Variants in CSMD1 observed in about 807,000 individuals in gnomAD.
The protein encoded by CSMD1 is CUB and Sushi multiple domains 1.
A neutral mutation model predicts 417.5 loss-of-function variants in CSMD1; 213 were observed. The ratio of observed to expected loss-of-function variants is 0.51; its 90% CI spans 0.46 to 0.57. The LOEUF is 0.57. Among genes scored for constraint, CSMD1 ranks in the 20% least tolerant of loss-of-function variants. The pLI is 0.00. For missense variants in CSMD1, 6,923 were observed against 4,529.7 expected (o/e 1.53, Z -15.17); for synonymous variants, 2,862 against 1,736.8 (o/e 1.65, Z -16.11).
intron 2 of CSMD1, among the ~76,000 whole-genome samples, chr8:4,595,765 T>G (rs2130747258): frequency 6.6e-6 from 1 of 152,314 alleles, no homozygotes; most frequent in South Asian, 2.1e-4. Context: ...AATGCCATTC[T>G]TATCTCATTT....
In CSMD1 at chr8:4,929,825, T is replaced by G. The variant is rs143532366; in HGVS notation, c.85+64507A>C. ...CACCTCCACAACCACATTCCCTCACTGCCAAAAACATCCCCATTGGCAAAT... is the reference window on the plus strand; with the variant it reads ...CACCTCCACAACCACATTCCCTCACGGCCAAAAACATCCCCATTGGCAAAT... On this transcript the variant is annotated intron_variant, in intron 1 of 69. Transcript: ENST00000635120. 4.5e-4 allele frequency among the ~76,000 whole-genome samples: 69 copies of G among 152,294 alleles called. 1 individual carries two copies. In the East Asian group the frequency reaches 0.013, roughly 28 times the overall value.
At chr8:4,083,755 C>T (rs1228985944) in intron 3 of CSMD1, among the ~76,000 whole-genome samples, 4 of 152,302 alleles carry the variant, frequency 2.6e-5, no homozygotes, top group African/African-American at 9.6e-5. Flanking sequence ...AAAACCTAGG[C>T]ATTACCATTC....
chr8:3,525,505 T>G (rs1016008174), intron 10 of CSMD1, among the ~76,000 whole-genome samples: 2 of 152,186 alleles, frequency 1.3e-5, no homozygotes, highest in African/African-American at 4.8e-5. Context: ...AGAAACGCAG[T>G]ACCCTGACAC....
intron 14 of CSMD1, among the ~76,000 whole-genome samples, chr8:3,406,642 G>A (rs778879838): frequency 6.6e-6 from 1 of 152,036 alleles, no homozygotes; most frequent in Non-Finnish European, 1.5e-5. Flanking sequence ...TTTATTTACA[G>A]AATGAGAGAC....
In CSMD1 at chr8:3,053,644, A is replaced by G. The variant is rs1812021402; in HGVS notation, c.7475-997T>C. ...TGCAGATGAGGTTTTATAAAAAACA[A>G]GATTTGGGGAGAATTCTGTGTAAAC... is the stretch of plus-strand genomic sequence containing the variant. On this transcript the variant is annotated intron_variant, in intron 49 of 69. Coordinates refer to ENST00000635120, the MANE Select transcript of CSMD1 (RefSeq NM_033225.6). Among the ~76,000 whole-genome samples, 3 of 152,206 alleles carry G rather than the reference A, an allele frequency of 2.0e-5. No individual in the cohort carries two copies. In the South Asian group the frequency reaches 6.2e-4, roughly 31 times the overall value.
At chr8:3,828,489 T>G (rs928872705) in intron 5 of CSMD1, among the ~76,000 whole-genome samples, 1 of 152,198 alleles carries the variant, frequency 6.6e-6, no homozygotes, top group Non-Finnish European at 1.5e-5. Flanking sequence ...CACTTGATCT[T>G]TATCAGTGTT....
intron 3 of CSMD1, among the ~76,000 whole-genome samples, chr8:4,087,964 A>T (rs946862525): frequency 6.6e-6 from 1 of 152,148 alleles, no homozygotes; most frequent in Non-Finnish European, 1.5e-5. Context: ...GGTGGTATCC[A>T]AGAGAAAAGC....
At chr8:4,297,545 C>A (rs1477071423) in intron 3 of CSMD1, among the ~76,000 whole-genome samples, 1 of 152,144 alleles carries the variant, frequency 6.6e-6, no homozygotes, top group Admixed American at 6.6e-5. Flanking sequence ...CACATATGAT[C>A]AATTTATAAT....
At chr8:3,716,621 T>G (rs572932436) in intron 6 of CSMD1, among the ~76,000 whole-genome samples, 80 of 152,214 alleles carry the variant, frequency 5.3e-4, no homozygotes, top group Middle Eastern at 3.4e-3. Context: ...AGGAAGGACT[T>G]TATGGCCTGT....
At chr8:3,017,838 A>T (rs1808980832) in intron 52 of CSMD1, among the ~76,000 whole-genome samples, 2 of 133,596 alleles carry the variant, frequency 1.5e-5, no homozygotes, top group Admixed American at 1.4e-4. Context: ...AAAAAAAAGG[A>T]AGAACGCGTG....
intron 4 of CSMD1, among the ~76,000 whole-genome samples, chr8:4,003,443 T>A (rs1815861895): frequency 6.6e-6 from 1 of 151,300 alleles, no homozygotes; most frequent in South Asian, 2.1e-4. Flanking sequence ...AATAAATAGA[T>A]AAGTAAATAA....
intron 3 of CSMD1, among the ~76,000 whole-genome samples, chr8:4,315,248 C>G (rs1798855150): frequency 6.6e-6 from 1 of 152,082 alleles, no homozygotes; most frequent in Non-Finnish European, 1.5e-5. Flanking sequence ...GGCTTGAAGA[C>G]CAGAGTGAGG....
intron 1 of CSMD1, among the ~76,000 whole-genome samples, chr8:4,786,559 G>C (rs891841197): frequency 1.3e-5 from 2 of 152,148 alleles, no homozygotes; most frequent in South Asian, 2.1e-4. Flanking sequence ...CTTATATTTA[G>C]AGAGCATTTA....
At chr8:4,331,776 G>A (rs758060544) in intron 3 of CSMD1, among the ~76,000 whole-genome samples, 2 of 152,012 alleles carry the variant, frequency 1.3e-5, no homozygotes, top group African/African-American at 4.8e-5. Flanking sequence ...GTCTTCCCAG[G>A]AGAGGTTTTT....
intron 3 of CSMD1, among the ~76,000 whole-genome samples, chr8:4,360,779 C>T (rs1482194568): frequency 6.6e-6 from 1 of 151,698 alleles, no homozygotes; most frequent in Non-Finnish European, 1.5e-5. Flanking sequence ...CAGGTGTGAG[C>T]CACTGCACCC....
At chr8:4,738,587 G>A (rs1341116554) in intron 1 of CSMD1, among the ~76,000 whole-genome samples, 1 of 151,950 alleles carries the variant, frequency 6.6e-6, no homozygotes, top group Non-Finnish European at 1.5e-5. Flanking sequence ...GGGACACAAA[G>A]CCTAACTATA....
At chr8:4,444,093 G>C (rs1341054352) in intron 2 of CSMD1, among the ~76,000 whole-genome samples, 1 of 152,046 alleles carries the variant, frequency 6.6e-6, no homozygotes, top group Non-Finnish European at 1.5e-5. Context: ...TGTAACCCCA[G>C]CACTTTGGGA....
intron 6 of CSMD1, among the ~76,000 whole-genome samples, chr8:3,715,417 G>C: frequency 6.6e-6 from 1 of 152,006 alleles, no homozygotes; most frequent in East Asian, 1.9e-4. Flanking sequence ...TTGAAAATGT[G>C]GTTCCGTCAT....
At chr8:3,694,359 G>A (rs1156377703) in intron 7 of CSMD1, among the ~76,000 whole-genome samples, 1 of 152,118 alleles carries the variant, frequency 6.6e-6, no homozygotes, top group Non-Finnish European at 1.5e-5. Flanking sequence ...TCAGGCTGAG[G>A]ATTTTCCCAA....
Sources: allele counts gnomAD v4.1 joint callset (sites outside exome capture counted in the v4.1 genomes callset), GRCh38; gene constraint gnomAD v4.1.1; transcripts MANE v1.5; gene names NCBI Gene and HGNC (gene_info 2026-07-23, HGNC 2026-07-21).